ATF3: variants seen among roughly 807,000 people sequenced by gnomAD.
ATF3 encodes cyclic AMP-dependent transcription factor ATF-3.
In ATF3, 10 loss-of-function variants were observed where a neutral mutation model predicts 18.4. That is an observed-to-expected ratio of 0.54 (90% CI 0.34 to 0.92). The LOEUF is 0.92. Ranked by LOEUF, ATF3 falls within the 40% of genes least tolerant of loss-of-function variation. The probability of loss-of-function intolerance (pLI) is 0.02; values close to 1 mark genes in which losing one functional copy is unlikely to be tolerated. For synonymous variants in ATF3, 78 were observed against 87.9 expected (o/e 0.89, Z 0.63); for missense variants, 183 against 222.3 (o/e 0.82, Z 1.12).
intron 1 of ATF3, among the ~76,000 whole-genome samples, chr1:212,571,763 G>C (rs1255146231): frequency 7.1e-6 from 1 of 140,880 alleles, no homozygotes; most frequent in Non-Finnish European, 1.5e-5. Flanking sequence ...CCAGGCTGGA[G>C]TGCAGTGGTG....
At chr1:212,609,221 C>T (rs958866386) in intron 1 of ATF3, among the ~76,000 whole-genome samples, 1 of 152,266 alleles carries the variant, frequency 6.6e-6, no homozygotes, top group Non-Finnish European at 1.5e-5. Context: ...CCTCGAGCGC[C>T]GCTTCTCTCC....
At chr1:212,571,903 T>G (rs534774416) in intron 1 of ATF3, among the ~76,000 whole-genome samples, 1 of 150,632 alleles carries the variant, frequency 6.6e-6, no homozygotes. Context: ...TAGTAGAGAC[T>G]GGGTTTCACC....
At chr1:212,591,452 G>A (rs1398698265) in intron 1 of ATF3, among the ~76,000 whole-genome samples, 1 of 152,222 alleles carries the variant, frequency 6.6e-6, no homozygotes, top group Non-Finnish European at 1.5e-5. Flanking sequence ...GTTCTGGCAA[G>A]AGCAGAGGTC....
At chr1:212,600,541 G>T (rs1654452894) in intron 1 of ATF3, among the ~76,000 whole-genome samples, 1 of 152,238 alleles carries the variant, frequency 6.6e-6, no homozygotes, top group Non-Finnish European at 1.5e-5. Context: ...AGATGAGCAG[G>T]GCACAGCCCC....
chr1:212,598,919 A>G (rs188348721), intron 1 of ATF3, among the ~76,000 whole-genome samples: 34 of 152,342 alleles, frequency 2.2e-4, no homozygotes, highest in African/African-American at 8.2e-4. Context: ...GCTGCAACAA[A>G]CATGGGAGTG....
chr1:212,567,610 C>T (rs996921216), intron 1 of ATF3, among the ~76,000 whole-genome samples: 8 of 152,120 alleles, frequency 5.3e-5, no homozygotes, highest in African/African-American at 1.7e-4. Flanking sequence ...TTACTCAACT[C>T]TAGGGAAAGG....
At chr1:212,599,442 C>T (rs1019577155) in intron 1 of ATF3, among the ~76,000 whole-genome samples, 5 of 152,140 alleles carry the variant, frequency 3.3e-5, no homozygotes, top group African/African-American at 1.2e-4. Flanking sequence ...GCATAAATTA[C>T]AGCTGTGAAC....
chr1:212,609,369 C>T lies in ATF3; in HGVS notation c.-5+439C>T, dbSNP rs1270573684. Among the ~76,000 whole-genome samples the T allele has an allele frequency of 1.2e-4, 4 of 33,182 alleles. No individual in the cohort carries two copies. In the South Asian group the frequency reaches 5.7e-3, roughly 47 times the overall value. 21.8% of individuals were successfully genotyped at this position (33,182 alleles called of 152,430 possible). On this transcript the variant is annotated intron_variant, in intron 1 of 3. Transcript: ENST00000341491. ...CACGGCACTGTGGGAGCCGATCCTT[C>T]CCGGGTGGGGGGGGGGGGGCGCAGA... is the stretch of plus-strand genomic sequence containing the variant.
upstream of ATF3, among the ~76,000 whole-genome samples, chr1:212,606,632 T>C (rs906705416): frequency 1.2e-4 from 19 of 152,244 alleles, no homozygotes; most frequent in African/African-American, 4.6e-4. Context: ...ACCTGTAAAC[T>C]GGTCAAAATT....
At chr1:212,581,499 T>C (rs536592721) in intron 1 of ATF3, among the ~76,000 whole-genome samples, 75 of 152,344 alleles carry the variant, frequency 4.9e-4, no homozygotes, top group African/African-American at 1.7e-3. Flanking sequence ...TTGATGACGT[T>C]GTTTGTGTCA....
chr1:212,568,306 T>G (rs531520311), intron 1 of ATF3, among the ~76,000 whole-genome samples: 1 of 152,344 alleles, frequency 6.6e-6, no homozygotes, highest in Non-Finnish European at 1.5e-5. Flanking sequence ...CCAAGCTGAA[T>G]TACACACAAA....
chr1:212,620,510 A>C lies in ATF3; in HGVS notation c.*955A>C, dbSNP rs1051715967. 1 of 152,616 alleles carries C rather than the reference A, an allele frequency of 6.6e-6. No individual in the cohort carries two copies. Among genetic ancestry groups the C allele is most frequent in the Non-Finnish European group, 1.5e-5 (1 of 68,038 alleles). 9.5% of individuals were successfully genotyped at this position (152,616 alleles called of 1,614,324 possible). A position where few individuals can be genotyped will look rare whatever the true frequency, so the allele number is the denominator to read the frequency against. ...TGGGTGGTACCCAGGCTTTAGCATT[A>C]TTGGATGTCAATAGCATTGTTTTTG... On this transcript the variant is annotated 3_prime_UTR_variant, in exon 4 of 4. Coordinates refer to ENST00000341491, the MANE Select transcript of ATF3 (RefSeq NM_001674.4).
At chr1:212,576,157 G>A (rs1664572840) in intron 1 of ATF3, among the ~76,000 whole-genome samples, 1 of 151,918 alleles carries the variant, frequency 6.6e-6, no homozygotes, top group African/African-American at 2.4e-5. Flanking sequence ...CTTAGTTCTG[G>A]TTTTATCTGA....
At chr1:212,610,214 T>C (rs971492733) in intron 1 of ATF3, among the ~76,000 whole-genome samples, 1 of 152,248 alleles carries the variant, frequency 6.6e-6, no homozygotes, top group Non-Finnish European at 1.5e-5. Flanking sequence ...TTTCATTGCA[T>C]AGGTCACATA....
chr1:212,614,370 A>C (rs560237217), intron 1 of ATF3, among the ~76,000 whole-genome samples: 6 of 152,134 alleles, frequency 3.9e-5, no homozygotes, highest in Non-Finnish European at 8.8e-5. Context: ...CCTGCCAAAG[A>C]CTGGGGTGAA....
intron 1 of ATF3, among the ~76,000 whole-genome samples, chr1:212,575,328 C>G (rs1664554427): frequency 6.6e-6 from 1 of 151,898 alleles, no homozygotes; most frequent in South Asian, 2.1e-4. Flanking sequence ...GGGATTTTTT[C>G]AATTATATTT....
intron 2 of ATF3, among the ~76,000 whole-genome samples, chr1:212,617,923 G>A (rs758405604): frequency 7.0e-6 from 1 of 143,884 alleles, no homozygotes; most frequent in Non-Finnish European, 1.5e-5. Flanking sequence ...GATTTTTGTT[G>A]TTCACTCACG....
intron 2 of ATF3, 140 bp downstream of exon 2, chr1:212,615,401 T>C (rs1655077335): frequency 9.1e-7 from 1 of 1,097,592 alleles, no homozygotes; most frequent in Non-Finnish European, 1.3e-6. Flanking sequence ...TACCTTCTCC[T>C]GGGAGGAGAC....
chr1:212,614,707 T>C (rs1233790411), intron 1 of ATF3, among the ~76,000 whole-genome samples: 1 of 152,198 alleles, frequency 6.6e-6, no homozygotes, highest in Non-Finnish European at 1.5e-5. Flanking sequence ...TCAGGACTGT[T>C]TGTGGCCACA....
Sources: gnomAD v4.1 joint callset for allele counts (sites outside exome capture counted in the v4.1 genomes callset) on GRCh38, gnomAD v4.1.1 for gene constraint, MANE v1.5 for transcripts, NCBI Gene and HGNC (gene_info 2026-07-23, HGNC 2026-07-21) for gene names.